The following DTNA variants were observed in gnomAD, a reference collection of about 807,000 sequenced individuals.
The protein encoded by DTNA is dystrophin-related protein 3.
A neutral mutation model predicts 100.7 loss-of-function variants in DTNA; 43 were observed. The ratio of observed to expected loss-of-function variants is 0.43; its 90% CI spans 0.33 to 0.55. DTNA has a LOEUF of 0.55. DTNA is among the 20% of genes least tolerant of loss of function. DTNA has a pLI of 0.04. For missense variants in DTNA, 798 were observed against 953.9 expected (o/e 0.84, Z 2.15); for synonymous variants, 349 against 347.9 (o/e 1.00, Z -0.04).
At chr18:34,679,257 A>G (rs1156816726) in intron 1 of DTNA, among the ~76,000 whole-genome samples, 1 of 152,210 alleles carries the variant, frequency 6.6e-6, no homozygotes, top group Non-Finnish European at 1.5e-5. Flanking sequence ...CTCATCTGTG[A>G]AATGACTTCT....
chr18:34,534,196 A>G (rs2043448618), intron 1 of DTNA, among the ~76,000 whole-genome samples: 1 of 152,050 alleles, frequency 6.6e-6, no homozygotes, highest in Admixed American at 6.6e-5. Flanking sequence ...AAAAAATACA[A>G]AAATTAGCCG....
chr18:34,536,125 A>G (rs1015350409), intron 1 of DTNA, among the ~76,000 whole-genome samples: 5 of 152,018 alleles, frequency 3.3e-5, no homozygotes, highest in African/African-American at 4.8e-5. Flanking sequence ...TTATACTTCA[A>G]TTATAAGGAC....
chr18:34,582,736 A>G (rs989535139), intron 1 of DTNA, among the ~76,000 whole-genome samples: 1 of 152,182 alleles, frequency 6.6e-6, no homozygotes, highest in African/African-American at 2.4e-5. Context: ...GGTAGCTTCA[A>G]TGTTGATGGG....
chr18:34,580,677 G>A (rs1031455653), intron 1 of DTNA, among the ~76,000 whole-genome samples: 1 of 152,114 alleles, frequency 6.6e-6, no homozygotes, highest in African/African-American at 2.4e-5. Context: ...GGACCACGGA[G>A]GATCTCTTTC....
At chr18:34,652,204 G>A (rs1435934039) in intron 1 of DTNA, among the ~76,000 whole-genome samples, 10 of 152,070 alleles carry the variant, frequency 6.6e-5, no homozygotes, top group Admixed American at 6.5e-4. Flanking sequence ...CAGAGGGCGG[G>A]GGAGGGAGGA....
At chr18:34,866,623 AT>A in intron 17 of DTNA, 1 of 1,011,458 alleles carries the variant, frequency 9.9e-7, no homozygotes, top group Non-Finnish European at 1.2e-6. Context: ...TTTTATAAAA[AT>A]CAGGCAATTA....
Position 34,564,648 on chromosome 18 carries a change from G to A in DTNA, c.-2+71134G>A, listed in dbSNP as rs181692937. Among the ~76,000 whole-genome samples, 675 of 152,294 alleles carry A rather than the reference G, an allele frequency of 4.4e-3. 8 individuals are homozygous for A. The highest frequency in any genetic ancestry group is 0.016 in the African/African-American group (653 of 41,552). The stretch of plus-strand genomic sequence containing the variant: ...CGTCTGTCTTTCAATAAAATTTTAA[G>A]TTGAGGTGTATTGTGTTTCTTAAGC... On this transcript the variant is annotated intron_variant, in intron 1 of 19. Coordinates refer to the DTNA transcript ENST00000283365.
intron 13 of DTNA, among the ~76,000 whole-genome samples, chr18:34,845,886 T>C (rs1159033544): frequency 1.3e-5 from 2 of 152,182 alleles, no homozygotes; most frequent in Admixed American, 1.3e-4. Flanking sequence ...CTCAATCCAC[T>C]GGGATTGATA....
At chr18:34,848,245 G>A (rs1262164861) in intron 13 of DTNA, 51 bp from the exon 14 acceptor site, 3 of 1,572,576 alleles carry the variant, frequency 1.9e-6, no homozygotes, top group Non-Finnish European at 2.6e-6. Flanking sequence ...AATGACTGCA[G>A]CAATCTTTCT....
At chr18:34,829,024 A>G (rs796917108) in intron 10 of DTNA, 1 of 1,614,088 alleles carries the variant, frequency 6.2e-7, no homozygotes, top group South Asian at 1.1e-5. Flanking sequence ...ACTGAAGGTC[A>G]TTTTATATCA....
intron 1 of DTNA, among the ~76,000 whole-genome samples, chr18:34,732,800 T>A (rs2147378179): frequency 6.6e-6 from 1 of 152,294 alleles, no homozygotes; most frequent in East Asian, 1.9e-4. Flanking sequence ...TATTTTTTAG[T>A]GTAAGTGAGT....
intron 1 of DTNA, among the ~76,000 whole-genome samples, chr18:34,698,237 C>T (rs938341603): frequency 1.3e-5 from 2 of 152,340 alleles, no homozygotes; most frequent in East Asian, 3.9e-4. Flanking sequence ...AAACTACCTG[C>T]ATTAGTTTCC....
chr18:34,765,905 G>C lies in DTNA; in HGVS notation c.68-56G>C, dbSNP rs957780838. 3 of 1,552,284 alleles carry C rather than the reference G, an allele frequency of 1.9e-6. No individual in the cohort carries two copies. In the African/African-American group the frequency reaches 4.1e-5, roughly 21 times the overall value. On this transcript the variant is annotated intron_variant, in intron 2 of 22. Transcript: ENST00000444659. ...TACAGTTGTTTTATTTGTAAACATT[G>C]TAAATTTCTTTCTGCACACATGGCA...
upstream of DTNA, among the ~76,000 whole-genome samples, chr18:34,705,998 A>T (rs964842401): frequency 6.6e-6 from 1 of 152,134 alleles, no homozygotes; most frequent in Non-Finnish European, 1.5e-5. Flanking sequence ...CCCAGGCTAG[A>T]GTGTAGTGGC....
chr18:34,544,032 G>A (rs11875892), intron 1 of DTNA, among the ~76,000 whole-genome samples: 9,625 of 152,148 alleles, frequency 0.063, 376 homozygotes, highest in African/African-American at 0.096. Flanking sequence ...TACATAAAAA[G>A]CCAGTTAGTA....
intron 1 of DTNA, among the ~76,000 whole-genome samples, chr18:34,751,465 C>A (rs1351447682): frequency 6.6e-6 from 1 of 152,218 alleles, no homozygotes; most frequent in Non-Finnish European, 1.5e-5. Context: ...GATTGGAAAG[C>A]CCTTTATCGT....
At chr18:34,777,850 G>A (rs1461781675) in intron 3 of DTNA, among the ~76,000 whole-genome samples, 6 of 152,152 alleles carry the variant, frequency 3.9e-5, no homozygotes, top group Non-Finnish European at 5.9e-5. Flanking sequence ...TACAATTCAC[G>A]ATGAGATTTG....
chr18:34,796,760 C>T (rs1409177504), intron 4 of DTNA, among the ~76,000 whole-genome samples: 1 of 152,132 alleles, frequency 6.6e-6, no homozygotes, highest in Non-Finnish European at 1.5e-5. Context: ...AGAAACTTGG[C>T]CATTTTGTGG....
At chr18:34,847,548 C>A (rs1177985793) in intron 13 of DTNA, among the ~76,000 whole-genome samples, 2 of 152,156 alleles carry the variant, frequency 1.3e-5, no homozygotes, top group African/African-American at 4.8e-5. Flanking sequence ...AGGTTGCAAT[C>A]AAGATGTCAC....
Sources: gnomAD v4.1 joint callset for allele counts (sites outside exome capture counted in the v4.1 genomes callset) on GRCh38, gnomAD v4.1.1 for gene constraint, MANE v1.5 for transcripts, NCBI Gene and HGNC (gene_info 2026-07-23, HGNC 2026-07-21) for gene names.